Variants in TSC1 observed in about 807,000 individuals in gnomAD.
TSC1 encodes TSC complex subunit 1.
In TSC1, 20 loss-of-function variants were observed where a neutral mutation model predicts 124.3. The observed-to-expected ratio is 0.16, with a 90% CI of 0.11 to 0.23. The LOEUF (loss-of-function observed/expected upper bound fraction) is 0.23, where lower values mean the gene tolerates loss of function less well. TSC1 is among the 10% of genes least tolerant of loss of function. The pLI is 1.00. For synonymous variants in TSC1, 493 were observed against 539.1 expected, an observed-to-expected ratio of 0.91 and a Z score of 1.19; for missense variants, 1,124 against 1,448.5, an observed-to-expected ratio of 0.78 and a Z score of 3.64.
rs118203670 is a variant in TSC1, at chr9:132,902,711, T to C, written c.2285A>G (p.Asn762Ser). 5.4e-4 allele frequency: 878 copies of C among 1,614,204 alleles called. 1 individual carries two copies. Among genetic ancestry groups the C allele is most frequent in the Non-Finnish European group, 6.9e-4 (810 of 1,180,042 alleles). Residue 762 changes from asparagine to serine, a missense_variant, in exon 18 of 23, where the codon AAT becomes AGT. Coordinates refer to ENST00000298552, the MANE Select transcript of TSC1 (RefSeq NM_000368.5). This position sits in a 1 kb window ranked among gnomAD's most constrained non-coding sequence, Gnocchi z 5.2. ...VSLQKEQARY[N>S]QLQEQRDTMV... The stretch of plus-strand genomic sequence containing the variant: ...AGTGTCACGCTGCTCCTGGAGCTGA[T>C]TGTATCTAGCTTGTTCTTTCTGCAG...
At chr9:132,912,488 A>G (rs771824885) in intron 8 of TSC1, 31 bp from the exon 9 acceptor site, 2 of 1,613,480 alleles carry the variant, frequency 1.2e-6, no homozygotes, top group South Asian at 1.1e-5. Context: ...CAAGAAATGC[A>G]AACTGTAATC....
Position 132,923,893 on chromosome 9 carries a change from ATACT to A in TSC1, c.364-405_364-402del, listed in dbSNP as rs929679047. ...TTCATTCATTCAACCAAATCCTAAG[ATACT>A]TACTTTTTGTTAATTAAAAAAAAAA... On this transcript the variant is annotated intron_variant, in intron 5 of 22. Coordinates refer to ENST00000298552, the MANE Select transcript of TSC1 (RefSeq NM_000368.5). This position sits in a 1 kb window ranked among gnomAD's most constrained non-coding sequence, Gnocchi z 4.2. Among the ~76,000 whole-genome samples the A allele has an allele frequency of 9.9e-5, 15 of 151,868 alleles. No individual in the cohort carries two copies. Among genetic ancestry groups the A allele is most frequent in the African/African-American group, 2.9e-4 (12 of 41,222 alleles).
At position 132,925,743 on chromosome 9, in the gene TSC1, A is replaced by C. The variant is rs2132240125; in HGVS notation, c.211-4T>G. On this transcript the variant is annotated splice_polypyrimidine_tract_variant and splice_region_variant and intron_variant, in intron 4 of 22. Transcript: ENST00000298552. The stretch of plus-strand genomic sequence containing the variant: ...CGTTAATCCTGTCCAAGAGGTGCTG[A>C]AAATGTAAAAGAACAAGGGCAGTCC... The C allele has an allele frequency of 2.5e-6, 4 of 1,614,226 alleles. No homozygotes were observed. The highest frequency in any genetic ancestry group is 3.4e-6 in the Non-Finnish European group (4 of 1,180,034).
At chr9:132,912,229 T>G (rs1845999673) in intron 9 of TSC1, 53 bp downstream of exon 9, 1 of 1,603,986 alleles carries the variant, frequency 6.2e-7, no homozygotes, top group African/African-American at 1.3e-5. Context: ...AGACAAATAA[T>G]GTTTTCCAGA....
intron 12 of TSC1, among the ~76,000 whole-genome samples, chr9:132,908,695 C>T (rs140307234): frequency 9.9e-4 from 150 of 152,004 alleles, no homozygotes; most frequent in African/African-American, 3.5e-3. Context: ...CAATCTACCT[C>T]CCTTGGACTC....
Position 132,915,598 on chromosome 9 carries a change from T to G in TSC1, c.738-3141A>C, listed in dbSNP as rs111801465. ...TTTCCTTTAGACAACATAACTTTGC[T>G]CTATGTGTTTCTAAGGTGGTTAGTA... On this transcript the variant is annotated intron_variant, in intron 8 of 22. Coordinates refer to ENST00000298552, the MANE Select transcript of TSC1 (RefSeq NM_000368.5). Among the ~76,000 whole-genome samples, 1,294 of 152,350 alleles carry G rather than the reference T, an allele frequency of 8.5e-3. 15 individuals are homozygous for G. The highest frequency in any genetic ancestry group is 0.02 in the Middle Eastern group (6 of 294).
At chr9:132,904,662 G>T (rs571921795) in intron 15 of TSC1, among the ~76,000 whole-genome samples, 2 of 152,344 alleles carry the variant, frequency 1.3e-5, no homozygotes, top group South Asian at 4.1e-4. Context: ...CACTGCCTAG[G>T]ACCTGTGTTG....
rs118203543 is a variant in TSC1 at position 132,906,052 on chromosome 9, C to T, written c.1526G>A (p.Arg509Gln). Residue 509 changes from arginine (R) to glutamine (Q), a missense_variant, in exon 15 of 23, where the codon CGA becomes CAA. Coordinates refer to ENST00000298552, the MANE Select transcript of TSC1 (RefSeq NM_000368.5). This position sits in a 1 kb window ranked among gnomAD's most constrained non-coding sequence, Gnocchi z 4.1. ...CCGCTGAGAACCTGGGAGACTGTCT[C>T]GGTAAAAGGGAGAGTCAAAGCCTCC... is the stretch of plus-strand genomic sequence containing the variant. The part of the protein sequence containing the change: ...PRGGFDSPFY[R>Q]DSLPGSQRKT... 1.1e-4 allele frequency: 183 copies of T among 1,614,038 alleles called. No homozygotes were observed. In the African/African-American group the frequency reaches 2.0e-3, roughly 18 times the overall value.
At chr9:132,911,246 C>G (rs1845940687) in intron 10 of TSC1, 133 bp from the exon 11 acceptor site, 1 of 849,106 alleles carries the variant, frequency 1.2e-6, no homozygotes. Context: ...AAAAGCGTAT[C>G]AAGAAACAAG....
At chr9:132,916,125 T>C (rs998799022) in intron 8 of TSC1, among the ~76,000 whole-genome samples, 8 of 152,226 alleles carry the variant, frequency 5.3e-5, no homozygotes, top group Non-Finnish European at 1.2e-4. Flanking sequence ...TATTTTAATA[T>C]CTAAAACTGG....
At chr9:132,941,870 A>AAT (rs1847755745) in intron 1 of TSC1, 1 of 152,196 alleles carries the variant, frequency 6.6e-6, no homozygotes, top group African/African-American at 2.4e-5. Context: ...TAGGCCTAGA[A>AAT]ATACTCATTA....
At position 132,911,551 on chromosome 9, in the gene TSC1, G is replaced by C. The variant is rs1332186256; in HGVS notation, c.931C>G (p.Pro311Ala). ...QNSYGCATST[P>A]YSTSRLMLLN... ...AACATCAGCCGAGACGTGGAGTAAG[G>C]GGTAGAAGTAGCACACCCTAAAATG... The change falls in exon 10 of 23, where the codon CCT becomes GCT. Residue 311 changes from proline (P) to alanine (A), a missense_variant. By Grantham distance (27) the Pro-to-Ala change is conservative. Coordinates refer to ENST00000298552, the MANE Select transcript of TSC1 (RefSeq NM_000368.5). The C allele has an allele frequency of 5.6e-6, 9 of 1,603,436 alleles. No homozygotes were observed. The highest frequency in any genetic ancestry group is 3.4e-5 in the Admixed American group (2 of 59,392).
At chr9:132,897,661 C>CA in intron 20 of TSC1, 51 bp from the exon 21 acceptor site, 1 of 1,512,696 alleles carries the variant, frequency 6.6e-7, no homozygotes. Context: ...AAAAAATAAA[C>CA]ATGCTGTATC....
Position 132,912,476 on chromosome 9 carries a change from G to A in TSC1, c.738-19C>T. ...CTTCCACCTGTAAAATGCAATGAAA[G>A]TCAAGAAATGCAAACTGTAATCAAC... On this transcript the variant is annotated intron_variant, in intron 8 of 22. Coordinates refer to ENST00000298552, the MANE Select transcript of TSC1 (RefSeq NM_000368.5). 1 of 1,613,982 alleles carries A rather than the reference G, an allele frequency of 6.2e-7. No individual in the cohort carries two copies.
In TSC1 at chr9:132,893,511, G is replaced by A. The variant is rs749535135; in HGVS notation, c.*2724C>T. On this transcript the variant is annotated 3_prime_UTR_variant, in exon 23 of 23. Coordinates refer to ENST00000298552, the MANE Select transcript of TSC1 (RefSeq NM_000368.5). ...GGACTCCGGAGCTCATTTGCTCTGC[G>A]TCTTCCTATCCCCCTCCCCGCTAAA... The A allele has an allele frequency of 5.6e-5, 13 of 233,058 alleles. No homozygotes were observed. The highest frequency in any genetic ancestry group is 1.0e-4 in the Non-Finnish European group (12 of 118,024). 14.4% of individuals were successfully genotyped at this position (233,058 alleles called of 1,614,324 possible).
At chr9:132,930,587 C>CAA (rs58163733) in intron 2 of TSC1, among the ~76,000 whole-genome samples, 7,260 of 44,294 alleles carry the variant, frequency 0.16, 887 homozygotes, top group African/African-American at 0.32. Context: ...GACTCTGCCT[C>CAA]AAAAAAAAAA....
At chr9:132,925,309 CGAT>C (rs1311349654) in intron 5 of TSC1, among the ~76,000 whole-genome samples, 1 of 152,154 alleles carries the variant, frequency 6.6e-6, no homozygotes, top group Non-Finnish European at 1.5e-5. Context: ...GAAGGCTAAA[CGAT>C]GACGAAATCA....
rs973159036 is a variant in TSC1, at chr9:132,895,936, T to C, written c.*299A>G. 2 of 439,348 alleles carry C rather than the reference T, an allele frequency of 4.6e-6. No individual in the cohort carries two copies. The highest frequency in any genetic ancestry group is 4.0e-5 in the African/African-American group (2 of 49,730). The allele number at this position is 439,348 out of a possible 1,614,324, so 27.2% of individuals were successfully genotyped here. A position where few individuals can be genotyped will look rare whatever the true frequency, so the allele number is the denominator to read the frequency against. ...TGCACAGGTTCAAAGGACGCAACCA[T>C]TTGGGGGGGAAAGGAAGAAAGTAAA... On this transcript the variant is annotated 3_prime_UTR_variant, in exon 23 of 23. Transcript: ENST00000298552.
At chr9:132,935,691 C>T (rs1344209696) in intron 1 of TSC1, among the ~76,000 whole-genome samples, 1 of 152,176 alleles carries the variant, frequency 6.6e-6, no homozygotes, top group East Asian at 1.9e-4. Flanking sequence ...ACAGTCCTCA[C>T]CCCTCCCCAA....
Sources: gnomAD v4.1 joint callset for allele counts (sites outside exome capture counted in the v4.1 genomes callset) on GRCh38, gnomAD v4.1.1 for gene constraint, Gnocchi (gnomAD v3.1) non-coding constraint, MANE v1.5 for transcripts, NCBI Gene and HGNC (gene_info 2026-07-23, HGNC 2026-07-21) for gene names.